ASTN1: variants seen among roughly 807,000 people sequenced by gnomAD.
ASTN1 encodes the protein astrotactin-1.
Under a neutral mutation model 140.7 loss-of-function variants are expected in ASTN1, and 41 were observed. The observed-to-expected ratio is 0.29, with a 90% confidence interval of 0.23 to 0.38. The LOEUF (loss-of-function observed/expected upper bound fraction) is 0.38, where lower values mean the gene tolerates loss of function less well. Among genes scored for constraint, ASTN1 ranks in the 10% least tolerant of loss-of-function variants. The pLI is 1.00. For missense variants in ASTN1, 1,479 were observed against 1,678.8 expected, an observed-to-expected ratio of 0.88 and a Z score of 2.08; for synonymous variants, 640 against 652.2, an observed-to-expected ratio of 0.98 and a Z score of 0.29.
chr1:176,970,323 C>A (rs557057676), intron 8 of ASTN1, among the ~76,000 whole-genome samples: 1 of 152,156 alleles, frequency 6.6e-6, no homozygotes, highest in Non-Finnish European at 1.5e-5. Flanking sequence ...AAAGACCCTG[C>A]GTGACCAGCC....
At chr1:176,959,520 A>T (rs542931598) in intron 9 of ASTN1, among the ~76,000 whole-genome samples, 9 of 104,954 alleles carry the variant, frequency 8.6e-5, no homozygotes, top group African/African-American at 1.3e-4. Context: ...TCTTTTATTT[A>T]AAAAAAAAAA....
intron 17 of ASTN1, among the ~76,000 whole-genome samples, chr1:176,888,528 A>G (rs1189645608): frequency 1.3e-5 from 2 of 152,076 alleles, no homozygotes; most frequent in African/African-American, 4.8e-5. Flanking sequence ...TAGGCTCTAG[A>G]AAAAAAATTA....
At chr1:177,050,967 A>C (rs1677512322) in intron 2 of ASTN1, among the ~76,000 whole-genome samples, 2 of 152,310 alleles carry the variant, frequency 1.3e-5, no homozygotes, top group African/African-American at 2.4e-5. Context: ...GGGAAAAAAA[A>C]CAGCATATTT....
chr1:177,144,917 A>G (rs1682654227), intron 1 of ASTN1, among the ~76,000 whole-genome samples: 1 of 152,196 alleles, frequency 6.6e-6, no homozygotes, highest in African/African-American at 2.4e-5. Flanking sequence ...AAGAAAACAC[A>G]TGATTTACTC....
chr1:177,109,909 T>C (rs958908670), intron 1 of ASTN1, among the ~76,000 whole-genome samples: 2 of 152,204 alleles, frequency 1.3e-5, no homozygotes, highest in African/African-American at 4.8e-5. Flanking sequence ...TTCAGCCAAG[T>C]TTCTCAGACT....
chr1:177,083,996 T>C (rs568071083), intron 1 of ASTN1, among the ~76,000 whole-genome samples: 1 of 152,328 alleles, frequency 6.6e-6, no homozygotes, highest in Non-Finnish European at 1.5e-5. Context: ...TCCCTTGCTG[T>C]CATTTAAGCC....
chr1:177,112,612 C>A (rs1246719496), intron 1 of ASTN1, among the ~76,000 whole-genome samples: 2 of 152,216 alleles, frequency 1.3e-5, no homozygotes, highest in African/African-American at 4.8e-5. Context: ...TTTGCTCCCT[C>A]CCAAACAGGC....
chr1:177,000,642 C>G (rs976897453), intron 8 of ASTN1, among the ~76,000 whole-genome samples: 4 of 152,180 alleles, frequency 2.6e-5, no homozygotes, highest in Non-Finnish European at 4.4e-5. Flanking sequence ...TGGCAGCAGT[C>G]CTGAGCGTAG....
intron 7 of ASTN1, among the ~76,000 whole-genome samples, chr1:177,015,120 A>G (rs1260953522): frequency 6.6e-6 from 1 of 152,204 alleles, no homozygotes; most frequent in Non-Finnish European, 1.5e-5. Context: ...TAGTATTTAG[A>G]AAGCATCTAT....
intron 8 of ASTN1, among the ~76,000 whole-genome samples, chr1:176,979,953 T>G (rs1673536775): frequency 6.6e-6 from 1 of 152,134 alleles, no homozygotes. Flanking sequence ...AGAAATTAAC[T>G]GGTGACAAAA....
intron 16 of ASTN1, among the ~76,000 whole-genome samples, chr1:176,926,304 A>C (rs2103080837): frequency 6.7e-6 from 1 of 148,900 alleles, no homozygotes; most frequent in Non-Finnish European, 1.5e-5. Flanking sequence ...AAAAAAAAAA[A>C]AGGTAGCTAT....
intron 8 of ASTN1, among the ~76,000 whole-genome samples, chr1:177,002,972 T>TA (rs959830825): frequency 8.2e-4 from 114 of 138,888 alleles, no homozygotes; most frequent in Admixed American, 2.2e-3. Flanking sequence ...TAATCGGTAA[T>TA]AAAAAAAAAA....
chr1:177,032,522 G>A lies in ASTN1; in HGVS notation c.799C>T (p.Gln267Ter). ...CMNGGEDFAS[Q>*]VTRTLDSLQG... ...AGGGAGTCGAGGGTGCGCGTGACCT[G>A]GCTGGCAAAGTCCTCCCCTCCGTTC... The change falls in exon 3 of 23, where the codon CAG becomes TAG. Residue 267 changes from glutamine (Q) to a stop codon, truncating the protein, a stop_gained. Transcript: ENST00000361833. LOFTEE classifies it high-confidence loss of function. 6.2e-7 allele frequency: 1 copy of A among 1,614,080 alleles called. No homozygotes were observed. The highest frequency in any genetic ancestry group is 8.5e-7 in the Non-Finnish European group (1 of 1,180,012).
chr1:177,035,688 A>G (rs1676680688), intron 2 of ASTN1, among the ~76,000 whole-genome samples: 3 of 152,310 alleles, frequency 2.0e-5, no homozygotes, highest in South Asian at 4.2e-4. Context: ...CCCATTGCAT[A>G]TCTATCTCTA....
At chr1:176,970,210 T>C (rs1349792106) in intron 8 of ASTN1, among the ~76,000 whole-genome samples, 2 of 152,148 alleles carry the variant, frequency 1.3e-5, no homozygotes, top group African/African-American at 4.8e-5. Context: ...GTCTAGGTGA[T>C]GTGTTGGGCC....
Position 176,888,215 on chromosome 1 carries a change from G to A in ASTN1, c.2941-11C>T, listed in dbSNP as rs1669118767. 1.2e-6 allele frequency: 2 copies of A among 1,613,474 alleles called. No individual in the cohort carries two copies. The highest frequency in any genetic ancestry group is 1.7e-6 in the Non-Finnish European group (2 of 1,179,824). On this transcript the variant is annotated splice_polypyrimidine_tract_variant and intron_variant, in intron 17 of 22. Coordinates refer to ENST00000361833, the MANE Select transcript of ASTN1 (RefSeq NM_004319.3). ...AGCCTCCTGCAAGAGCTGCATAAGA[G>A]AACAGGGAAAAGATTGAGTGTTGAG...
intron 1 of ASTN1, among the ~76,000 whole-genome samples, chr1:177,127,009 C>T (rs1681687214): frequency 6.6e-6 from 1 of 152,054 alleles, no homozygotes; most frequent in Non-Finnish European, 1.5e-5. Flanking sequence ...CTAACATATG[C>T]CCCCATGCCA....
chr1:176,880,139 T>C (rs1417452812), intron 20 of ASTN1, among the ~76,000 whole-genome samples: 1 of 152,212 alleles, frequency 6.6e-6, no homozygotes, highest in Admixed American at 6.5e-5. Flanking sequence ...CTTCCACTGC[T>C]GCCTGGCTGG....
chr1:177,016,980 G>A (rs191672095), intron 7 of ASTN1, among the ~76,000 whole-genome samples: 12 of 152,282 alleles, frequency 7.9e-5, no homozygotes, highest in South Asian at 6.2e-4. Flanking sequence ...GAATGGTCTC[G>A]GCTAGACGCC....
Sources: gnomAD v4.1 joint callset for allele counts (sites outside exome capture counted in the v4.1 genomes callset) on GRCh38, gnomAD v4.1.1 for gene constraint, MANE v1.5 for transcripts, NCBI Gene and HGNC (gene_info 2026-07-23, HGNC 2026-07-21) for gene names.